Variants in CLYBL observed in about 807,000 individuals in gnomAD.
CLYBL encodes citramalyl-CoA lyase.
In CLYBL, 31 loss-of-function variants were observed where a neutral mutation model predicts 38.9. The ratio of observed to expected loss-of-function variants is 0.80; its 90% confidence interval spans 0.60 to 1.08. The LOEUF is 1.08. CLYBL is among the 50% of genes least tolerant of loss of function. The probability of loss-of-function intolerance (pLI) is 0.00; values close to 1 mark genes in which losing one functional copy is unlikely to be tolerated. For synonymous variants in CLYBL, 171 were observed against 158.6 expected, an observed-to-expected ratio of 1.08 and a Z score of -0.59; for missense variants, 434 against 411.6, an observed-to-expected ratio of 1.05 and a Z score of -0.47.
At chr13:99,650,437 C>T (rs577580441) in intron 1 of CLYBL, among the ~76,000 whole-genome samples, 1 of 152,258 alleles carries the variant, frequency 6.6e-6, no homozygotes, top group South Asian at 2.1e-4. Flanking sequence ...AAGAAGTTTT[C>T]AAGAGGGGAA....
intron 1 of CLYBL, among the ~76,000 whole-genome samples, chr13:99,771,020 CTTTTTTTTTTTTTTTTTTTT>C (rs546998940): frequency 4.2e-5 from 5 of 120,234 alleles, no homozygotes; most frequent in Admixed American, 8.5e-5. Flanking sequence ...ACGCGGGGCC[CTTTTTTTTTTTTTTTTTTTT>C]TTTTTTTTTT....
intron 1 of CLYBL, among the ~76,000 whole-genome samples, chr13:99,746,031 A>AG (rs1289010992): frequency 1.5e-5 from 2 of 136,298 alleles, no homozygotes; most frequent in African/African-American, 5.0e-5. Flanking sequence ...CAGTTACCAA[A>AG]AAAAAAAATT....
At chr13:99,682,693 C>A (rs2793739) in intron 1 of CLYBL, among the ~76,000 whole-genome samples, 3 of 151,794 alleles carry the variant, frequency 2.0e-5, no homozygotes, top group South Asian at 4.1e-4. Flanking sequence ...TTAAAAAAAA[C>A]AAAAAACTTT....
chr13:99,805,428 CAG>C (rs1268117571), intron 2 of CLYBL, among the ~76,000 whole-genome samples: 1 of 151,798 alleles, frequency 6.6e-6, no homozygotes, highest in East Asian at 1.9e-4. Context: ...CGTGAGTGTC[CAG>C]AGCCTACTGA....
In CLYBL at chr13:99,629,038, C is replaced by T. The variant is rs75722632; in HGVS notation, c.62+22281C>T. The stretch of plus-strand genomic sequence containing the variant: ...CGCCCAGTTCCTGCTGCTTCGTTCG[C>T]GGACTCTGAATTCCACTGCTGGGGC... On this transcript the variant is annotated intron_variant, in intron 1 of 8. Coordinates refer to ENST00000339105, the MANE Select transcript of CLYBL (RefSeq NM_206808.5). Among the ~76,000 whole-genome samples the T allele has an allele frequency of 6.6e-3, 1,012 of 152,364 alleles. 8 individuals are homozygous for T. The highest frequency in any genetic ancestry group is 0.012 in the Non-Finnish European group (823 of 68,026).
At chr13:99,674,937 G>T (rs2047621502) in intron 1 of CLYBL, among the ~76,000 whole-genome samples, 1 of 152,190 alleles carries the variant, frequency 6.6e-6, no homozygotes, top group Non-Finnish European at 1.5e-5. Flanking sequence ...AGGAGACTGA[G>T]ATGCAAGGAT....
intron 1 of CLYBL, among the ~76,000 whole-genome samples, chr13:99,705,644 A>G (rs2048135853): frequency 6.6e-6 from 1 of 152,224 alleles, no homozygotes; most frequent in African/African-American, 2.4e-5. Flanking sequence ...GCTGAGTGAA[A>G]TAAGCCATAT....
At chr13:99,652,784 T>C (rs1227272874) in intron 1 of CLYBL, among the ~76,000 whole-genome samples, 1 of 152,220 alleles carries the variant, frequency 6.6e-6, no homozygotes, top group African/African-American at 2.4e-5. Context: ...ACAGGCAGGC[T>C]CTCGCCTGGG....
intron 1 of CLYBL, among the ~76,000 whole-genome samples, chr13:99,743,966 C>CTTTTTTTT (rs1162079530): frequency 3.3e-3 from 229 of 69,132 alleles, no homozygotes; most frequent in Admixed American, 3.6e-3. Flanking sequence ...TCTCTTCTTT[C>CTTTTTTTT]TTTTTTTTTT....
intron 1 of CLYBL, among the ~76,000 whole-genome samples, chr13:99,685,627 A>G (rs1454262011): frequency 2.6e-5 from 4 of 152,124 alleles, no homozygotes; most frequent in African/African-American, 9.7e-5. Context: ...CCCAGTGGAT[A>G]AGAGGATGGC....
chr13:99,740,166 A>G (rs1241820109), intron 1 of CLYBL, among the ~76,000 whole-genome samples: 1 of 152,208 alleles, frequency 6.6e-6, no homozygotes, highest in Non-Finnish European at 1.5e-5. Context: ...AGAAATTTGT[A>G]CGTGCCCAGG....
chr13:99,771,404 G>C (rs752081485), intron 1 of CLYBL, among the ~76,000 whole-genome samples: 5 of 152,122 alleles, frequency 3.3e-5, no homozygotes, highest in Non-Finnish European at 7.4e-5. Flanking sequence ...GGCAGGGTTG[G>C]CTTCATGGAC....
Position 99,862,599 on chromosome 13 carries a change from CAAA to C in CLYBL, c.439-389_439-387del, listed in dbSNP as rs1010370463. 1.2e-4 allele frequency among the ~76,000 whole-genome samples: 18 copies of C among 152,274 alleles called. 1 individual carries two copies. Among genetic ancestry groups the C allele is most frequent in the African/African-American group, 4.3e-4 (18 of 41,572 alleles). On this transcript the variant is annotated intron_variant, in intron 3 of 8. Coordinates refer to ENST00000339105, the MANE Select transcript of CLYBL (RefSeq NM_206808.5). ...ACTGATGTCAGTGCTGGGCACGAAA[CAAA>C]AACAGAATGGCAGGTAGAGGAAGAG...
At chr13:99,821,911 C>T (rs1163079402) in intron 2 of CLYBL, among the ~76,000 whole-genome samples, 1 of 152,190 alleles carries the variant, frequency 6.6e-6, no homozygotes, top group Non-Finnish European at 1.5e-5. Context: ...CTGTAGTCCC[C>T]TCCCACGCTG....
At chr13:99,743,899 G>A (rs1224052229) in intron 1 of CLYBL, among the ~76,000 whole-genome samples, 1 of 151,570 alleles carries the variant, frequency 6.6e-6, no homozygotes, top group Non-Finnish European at 1.5e-5. Context: ...GTATTGCGGG[G>A]ACTCGGGATA....
At chr13:99,785,940 ATATTGACTCC>A (rs1164147182) in intron 2 of CLYBL, among the ~76,000 whole-genome samples, 1 of 151,894 alleles carries the variant, frequency 6.6e-6, no homozygotes, top group Non-Finnish European at 1.5e-5. Flanking sequence ...CAGGCATGAT[ATATTGACTCC>A]TCACTATGGA....
downstream of CLYBL, chr13:99,893,126 G>T (rs148333055): frequency 6.6e-6 from 1 of 152,372 alleles, no homozygotes; most frequent in Non-Finnish European, 1.5e-5. Flanking sequence ...CACTGGCCAC[G>T]CTGGGCTGCC....
chr13:99,679,713 T>C (rs1046904915), intron 1 of CLYBL, among the ~76,000 whole-genome samples: 1 of 151,990 alleles, frequency 6.6e-6, no homozygotes, highest in Non-Finnish European at 1.5e-5. Flanking sequence ...TTTCTTCTCT[T>C]TCCAAAATGG....
intron 1 of CLYBL, among the ~76,000 whole-genome samples, chr13:99,678,475 G>A (rs772205422): frequency 6.6e-6 from 1 of 152,198 alleles, no homozygotes; most frequent in Non-Finnish European, 1.5e-5. Context: ...CTACATTGTT[G>A]AAGAAGCTCC....
Sources: gnomAD v4.1 joint callset for allele counts (sites outside exome capture counted in the v4.1 genomes callset) on GRCh38, gnomAD v4.1.1 for gene constraint, MANE v1.5 for transcripts, NCBI Gene and HGNC (gene_info 2026-07-23, HGNC 2026-07-21) for gene names.